The following HMGCLL1 variants were observed in gnomAD, a reference collection of about 807,000 sequenced individuals.
HMGCLL1 encodes 3-hydroxy-3-methylglutaryl-CoA lyase like 1.
Under a neutral mutation model 39.1 loss-of-function variants are expected in HMGCLL1, and 36 were observed. The ratio of observed to expected loss-of-function variants is 0.92; its 90% CI spans 0.71 to 1.22. HMGCLL1 has a LOEUF of 1.22. HMGCLL1 is among the 50% of genes most tolerant of loss of function. The pLI is 0.00. For missense variants in HMGCLL1, 451 were observed against 416.5 expected (o/e 1.08, Z -0.72); for synonymous variants, 149 against 144.0 (o/e 1.03, Z -0.25).
chr6:55,477,187 A>ATATT (rs1765360325), intron 7 of HMGCLL1, among the ~76,000 whole-genome samples: 1 of 31,938 alleles, frequency 3.1e-5, no homozygotes, highest in Non-Finnish European at 4.7e-5. Context: ...TTATATTTAT[A>ATATT]TATTATATAT....
At chr6:55,509,624 T>C (rs1229457501) in intron 5 of HMGCLL1, among the ~76,000 whole-genome samples, 2 of 151,910 alleles carry the variant, frequency 1.3e-5, no homozygotes, top group Non-Finnish European at 2.9e-5. Context: ...AGGAGAATAC[T>C]GTGCCCTGAC....
chr6:55,469,479 G>A (rs1041171095), intron 7 of HMGCLL1, among the ~76,000 whole-genome samples: 4 of 148,546 alleles, frequency 2.7e-5, no homozygotes, highest in Non-Finnish European at 5.9e-5. Flanking sequence ...GTGTGTGTGT[G>A]TGTATATATA....
At chr6:55,510,639 T>G (rs13209623) in intron 5 of HMGCLL1, among the ~76,000 whole-genome samples, 74,319 of 107,678 alleles carry the variant, frequency 0.69, 25,089 homozygotes, top group Non-Finnish European at 0.71. Flanking sequence ...TGGGGACTGT[T>G]GTGGGGTGGG....
At chr6:55,666,093 CA>C in the HMGCLL1 span, among the ~76,000 whole-genome samples, 1 of 151,666 alleles carries the variant, frequency 6.6e-6, no homozygotes, top group African/African-American at 2.4e-5. Context: ...CTTTTCAGCT[CA>C]CAAGCTTTTC....
intron 1 of HMGCLL1, among the ~76,000 whole-genome samples, chr6:55,568,908 A>G (rs537650254): frequency 1.6e-3 from 237 of 152,140 alleles, no homozygotes; most frequent in Non-Finnish European, 1.9e-3. Flanking sequence ...TAGACACAGA[A>G]AGAAGAAAGG....
At chr6:55,628,118 TAAAATAA>T in the HMGCLL1 span, among the ~76,000 whole-genome samples, 1 of 890 alleles carries the variant, frequency 1.1e-3, no homozygotes, top group African/African-American at 5.3e-3. Context: ...ATATAATATA[TAAAATAA>T]ATATATATAG....
intron 5 of HMGCLL1, among the ~76,000 whole-genome samples, chr6:55,502,022 C>T (rs1345921286): frequency 2.6e-5 from 4 of 151,720 alleles, no homozygotes; most frequent in African/African-American, 9.7e-5. Context: ...TTTTTTTCAT[C>T]TTATTCCTTA....
At chr6:55,676,828 A>T in the HMGCLL1 span, among the ~76,000 whole-genome samples, 1 of 152,234 alleles carries the variant, frequency 6.6e-6, no homozygotes, top group Admixed American at 6.5e-5. Context: ...GTGTAGAAAC[A>T]GTTCAAACTG....
intron 7 of HMGCLL1, among the ~76,000 whole-genome samples, chr6:55,462,255 G>A (rs1399438853): frequency 1.3e-5 from 2 of 152,102 alleles, no homozygotes; most frequent in Non-Finnish European, 2.9e-5. Flanking sequence ...GCTGCCATCT[G>A]CTCTCTTGGG....
chr6:55,452,226 G>C (rs1179976178), intron 7 of HMGCLL1, among the ~76,000 whole-genome samples: 1 of 152,008 alleles, frequency 6.6e-6, no homozygotes, highest in Non-Finnish European at 1.5e-5. Context: ...CATAAAGAAG[G>C]GTTTCTGGAA....
chr6:55,583,442 A>G (rs966826889), upstream of HMGCLL1, among the ~76,000 whole-genome samples: 1 of 151,166 alleles, frequency 6.6e-6, no homozygotes, highest in Non-Finnish European at 1.5e-5. Context: ...GAGAACATGC[A>G]GTGTTTGGTT....
intron 7 of HMGCLL1, among the ~76,000 whole-genome samples, chr6:55,440,680 C>T (rs969848540): frequency 1.3e-5 from 2 of 152,054 alleles, no homozygotes; most frequent in Non-Finnish European, 2.9e-5. Context: ...ATGAGAAGCA[C>T]CTGGAAGCAG....
At chr6:55,611,868 G>A in the HMGCLL1 span, among the ~76,000 whole-genome samples, 18 of 152,208 alleles carry the variant, frequency 1.2e-4, no homozygotes, top group South Asian at 6.2e-4. Flanking sequence ...GGCAAAATCT[G>A]AAAGAATTCC....
At chr6:55,674,586 T>G in the HMGCLL1 span, among the ~76,000 whole-genome samples, 1 of 152,030 alleles carries the variant, frequency 6.6e-6, no homozygotes, top group East Asian at 1.9e-4. Context: ...GTTATGCAAA[T>G]GAGCTAGATA....
intron 1 of HMGCLL1, among the ~76,000 whole-genome samples, chr6:55,578,372 A>G (rs1044041264): frequency 2.6e-5 from 4 of 152,220 alleles, no homozygotes; most frequent in African/African-American, 9.7e-5. Context: ...TTGTCTTAAC[A>G]TGCCCTTTCA....
chr6:55,663,680 C>G, the HMGCLL1 span, among the ~76,000 whole-genome samples: 2 of 151,778 alleles, frequency 1.3e-5, no homozygotes, highest in African/African-American at 4.8e-5. Flanking sequence ...CTGGAGAGGT[C>G]TATCAGATCC....
the HMGCLL1 span, among the ~76,000 whole-genome samples, chr6:55,676,592 T>C: frequency 6.6e-6 from 1 of 152,208 alleles, no homozygotes; most frequent in African/African-American, 2.4e-5. Flanking sequence ...CACTTAATAA[T>C]GGCAGTGGAG....
chr6:55,543,215 T>TAA lies in HMGCLL1; in HGVS notation c.109-1076_109-1075insTT, dbSNP rs1554156040. ...TATATTATATATTATATATTATATA[T>TAA]TATATAATATATAATATAGATATAA... On this transcript the variant is annotated intron_variant, in intron 1 of 8. Transcript: ENST00000274901. 3.9e-3 allele frequency among the ~76,000 whole-genome samples: 63 copies of TAA among 16,124 alleles called. 14 individuals are homozygous for TAA. The highest frequency in any genetic ancestry group is 0.012 in the African/African-American group (62 of 5,244). The allele number at this position is 16,124 out of a possible 152,430, so 10.6% of individuals were successfully genotyped here. A position where few individuals can be genotyped will look rare whatever the true frequency, so the allele number is the denominator to read the frequency against.
Position 55,495,297 on chromosome 6 carries a change from G to A in HMGCLL1, c.795+122C>T, listed in dbSNP as rs574355856. ...CAAGTGCCTGTCATGTACAGACACT[G>A]GTTAAAATTAGATTCATAACATTTT... On this transcript the variant is annotated intron_variant, in intron 7 of 8. Coordinates refer to ENST00000274901, the MANE Select transcript of HMGCLL1 (RefSeq NM_001042406.2). The A allele has an allele frequency of 5.1e-6, 4 of 781,830 alleles. No individual in the cohort carries two copies. In the Admixed American group the frequency reaches 9.9e-5, roughly 19 times the overall value. 48.4% of individuals were successfully genotyped at this position (781,830 alleles called of 1,614,324 possible).
Sources: allele counts gnomAD v4.1 joint callset (sites outside exome capture counted in the v4.1 genomes callset), GRCh38; gene constraint gnomAD v4.1.1; transcripts MANE v1.5; gene names NCBI Gene and HGNC (gene_info 2026-07-23, HGNC 2026-07-21).